The following PSMD12 variants were observed in gnomAD, a reference collection of about 807,000 sequenced individuals.
PSMD12 encodes 26S proteasome non-ATPase regulatory subunit 12.
A neutral mutation model predicts 62.9 loss-of-function variants in PSMD12; 8 were observed. The ratio of observed to expected loss-of-function variants is 0.13; its 90% confidence interval spans 0.07 to 0.23. PSMD12 has a LOEUF of 0.23. Ranked by LOEUF, PSMD12 falls within the 10% of genes least tolerant of loss-of-function variation. The pLI is 1.00. For missense variants in PSMD12, 424 were observed against 550.2 expected, an observed-to-expected ratio of 0.77 and a Z score of 2.29; for synonymous variants, 173 against 187.4, an observed-to-expected ratio of 0.92 and a Z score of 0.63.
Position 67,347,259 on chromosome 17 carries a change from A to C in PSMD12, c.661-9T>G. 1 of 1,613,000 alleles carries C rather than the reference A, an allele frequency of 6.2e-7. No individual in the cohort carries two copies. Among genetic ancestry groups the C allele is most frequent in the Non-Finnish European group, 8.5e-7 (1 of 1,179,522 alleles). On this transcript the variant is annotated splice_polypyrimidine_tract_variant and intron_variant, in intron 6 of 10. Transcript: ENST00000356126. ...TACTTCAACTTTAATTTCTGCAAAA[A>C]AGTTGACAAAACAAATTGGGGTTTA...
chr17:67,342,967 C>CATT (rs1309512725), intron 9 of PSMD12, among the ~76,000 whole-genome samples: 1 of 151,306 alleles, frequency 6.6e-6, no homozygotes, highest in Non-Finnish European at 1.5e-5. Flanking sequence ...GATTAGACAT[C>CATT]ATTTCAAATA....
intron 1 of PSMD12, among the ~76,000 whole-genome samples, 188 bp from the exon 2 acceptor site, chr17:67,357,766 G>C (rs572460631): frequency 6.6e-6 from 1 of 152,300 alleles, no homozygotes; most frequent in Admixed American, 6.5e-5. Flanking sequence ...GGTTCCATCA[G>C]TCAGTGGTTC....
rs1335369985 is a variant in PSMD12 at position 67,339,237 on chromosome 17, AACTGGG to A, written c.*1600_*1605del. ...ATTCTCCCACCTCAGCCTCCCAAGT[AACTGGG>A]ACTACAGGCACACGCCACCACGCCC... On this transcript the variant is annotated 3_prime_UTR_variant, in exon 11 of 11. Coordinates refer to ENST00000356126, the MANE Select transcript of PSMD12 (RefSeq NM_002816.5). 6.6e-6 allele frequency: 1 copy of A among 151,898 alleles called. No individual in the cohort carries two copies. Among genetic ancestry groups the A allele is most frequent in the African/African-American group, 2.4e-5 (1 of 41,312 alleles). 9.4% of individuals were successfully genotyped at this position (151,898 alleles called of 1,614,324 possible).
Position 67,348,447 on chromosome 17 carries a change from T to C in PSMD12, c.510+103A>G, listed in dbSNP as rs2041988208. 4 of 909,170 alleles carry C rather than the reference T, an allele frequency of 4.4e-6. No individual in the cohort carries two copies. In the South Asian group the frequency reaches 4.5e-5, roughly 10 times the overall value. The allele number at this position is 909,170 out of a possible 1,614,324, so 56.3% of individuals were successfully genotyped here. A position where few individuals can be genotyped will look rare whatever the true frequency, so the allele number is the denominator to read the frequency against. ...TTTCAATCAAAATCCAAAATAATTATTGGTCCCAAACATTTTGGATAAGGG... is the reference window on the plus strand; with the variant it reads ...TTTCAATCAAAATCCAAAATAATTACTGGTCCCAAACATTTTGGATAAGGG... On this transcript the variant is annotated intron_variant, in intron 5 of 10. Coordinates refer to ENST00000356126, the MANE Select transcript of PSMD12 (RefSeq NM_002816.5).
chr17:67,363,428 A>G (rs1376752065), intron 1 of PSMD12, among the ~76,000 whole-genome samples: 1 of 152,224 alleles, frequency 6.6e-6, no homozygotes, highest in African/African-American at 2.4e-5. Context: ...CACAATTTTC[A>G]TCTTCAAATG....
At chr17:67,341,271 C>A (rs866107923) in intron 10 of PSMD12, among the ~76,000 whole-genome samples, 3 of 151,752 alleles carry the variant, frequency 2.0e-5, no homozygotes, top group African/African-American at 7.3e-5. Context: ...GAGTTCAAGA[C>A]CAGCCTGAGC....
At chr17:67,363,942 G>A (rs1311668114) in intron 1 of PSMD12, among the ~76,000 whole-genome samples, 3 of 151,972 alleles carry the variant, frequency 2.0e-5, no homozygotes, top group East Asian at 1.9e-4. Context: ...CCAGATACTC[G>A]GGAGGCTGAG....
intron 9 of PSMD12, 139 bp downstream of exon 9, chr17:67,344,466 CA>C (rs1276651374): frequency 2.1e-5 from 17 of 801,058 alleles, no homozygotes; most frequent in Non-Finnish European, 2.9e-5. Context: ...GAATTAAACA[CA>C]TAACATCCTA....
chr17:67,364,523 T>C (rs1272164109), intron 1 of PSMD12, among the ~76,000 whole-genome samples: 1 of 152,222 alleles, frequency 6.6e-6, no homozygotes, highest in East Asian at 1.9e-4. Context: ...ACTGACTAGG[T>C]CTTGCAAACA....
intron 5 of PSMD12, among the ~76,000 whole-genome samples, chr17:67,347,712 A>G (rs1313434124): frequency 6.6e-6 from 1 of 152,200 alleles, no homozygotes; most frequent in Non-Finnish European, 1.5e-5. Context: ...TAACTCATGT[A>G]GTGATTTGCA....
At chr17:67,345,691 T>C (rs1221783597) in intron 8 of PSMD12, 54 bp downstream of exon 8, 1 of 1,482,540 alleles carries the variant, frequency 6.7e-7, no homozygotes, top group Non-Finnish European at 9.4e-7. Context: ...GCCAATTTTC[T>C]TTCAAAATGG....
intron 3 of PSMD12, among the ~76,000 whole-genome samples, chr17:67,355,966 TTCTACACACACACACACAC>T: frequency 7.6e-6 from 1 of 132,376 alleles, no homozygotes; most frequent in East Asian, 2.1e-4. Context: ...AAGCCCCCAT[TTCTACACACACACACACAC>T]ACACACACAC....
intron 3 of PSMD12, among the ~76,000 whole-genome samples, chr17:67,356,475 G>A (rs530484804): frequency 1.4e-5 from 2 of 138,822 alleles, no homozygotes; most frequent in African/African-American, 5.3e-5. Context: ...GGAGAATGGC[G>A]TGAACCCGGG....
intron 1 of PSMD12, chr17:67,362,653 G>A (rs1324015751): frequency 7.4e-6 from 1 of 134,358 alleles, no homozygotes; most frequent in Non-Finnish European, 1.5e-5. Context: ...CAGAGCAAGA[G>A]TCCATCTCAA....
intron 4 of PSMD12, 75 bp downstream of exon 4, chr17:67,350,154 C>A: frequency 3.5e-6 from 3 of 853,564 alleles, no homozygotes; most frequent in South Asian, 2.1e-5. Flanking sequence ...TACAAAATAT[C>A]TACATACATT....
chr17:67,366,459 T>C lies in PSMD12; in HGVS notation c.61A>G (p.Ser21Gly), dbSNP rs1435536086. ...GRIVKMEVDY[S>G]ATVDQRLPEC... Reference sequence around the variant, plus strand: ...GGTAGGCGCTGATCCACCGTGGCGCTGTAGTCCACCTCCATCTTGACGATG... The same window carrying C: ...GGTAGGCGCTGATCCACCGTGGCGCCGTAGTCCACCTCCATCTTGACGATG... Residue 21 changes from serine (S) to glycine (G), a missense_variant, in exon 1 of 11, where the codon AGC (serine) becomes GGC (glycine). Coordinates refer to ENST00000356126, the MANE Select transcript of PSMD12 (RefSeq NM_002816.5). 1.2e-6 allele frequency: 2 copies of C among 1,612,302 alleles called. No individual in the cohort carries two copies. Among genetic ancestry groups the C allele is most frequent in the Non-Finnish European group, 1.7e-6 (2 of 1,179,486 alleles).
chr17:67,340,969 G>C lies in PSMD12; in HGVS notation c.1245C>G (p.Phe415Leu). 1 of 1,580,866 alleles carries C rather than the reference G, an allele frequency of 6.3e-7. No homozygotes were observed. Among genetic ancestry groups the C allele is most frequent in the Non-Finnish European group, 8.6e-7 (1 of 1,169,536 alleles). The change falls in exon 11 of 11, where the codon TTC becomes TTG. Residue 415 changes from phenylalanine to leucine, a missense_variant. Transcript: ENST00000356126. ...AATTATTTGGATCCTTGGGTCTCTGGAAGTTGATAATTCCTGCTAATCTGT... is the reference window on the plus strand; with the variant it reads ...AATTATTTGGATCCTTGGGTCTCTGCAAGTTGATAATTCCTGCTAATCTGT... ...KVDRLAGIINFQRPKDPNNLL... is the reference protein window; with the variant it reads ...KVDRLAGIINLQRPKDPNNLL...
In PSMD12 at chr17:67,361,580, T is replaced by TA. The variant is rs575628256; in HGVS notation, c.109-4003dup. Among the ~76,000 whole-genome samples, 7 of 150,684 alleles carry TA rather than the reference T, an allele frequency of 4.6e-5. No homozygotes were observed. The East Asian group carries it at 1.2e-3, about 25-fold the overall frequency. On this transcript the variant is annotated intron_variant, in intron 1 of 10. Transcript: ENST00000356126. ...CTGGGTGAAAGAGCGAAACTCGGTC[T>TA]AAAAAAAAAGTCACCACAAATAGTT...
chr17:67,352,968 A>G (rs1457019295), intron 3 of PSMD12, among the ~76,000 whole-genome samples: 1 of 152,228 alleles, frequency 6.6e-6, no homozygotes, highest in Non-Finnish European at 1.5e-5. Context: ...CCTCCTTTAA[A>G]TGAAAAGGTG....
Sources: allele counts gnomAD v4.1 joint callset (sites outside exome capture counted in the v4.1 genomes callset), GRCh38; gene constraint gnomAD v4.1.1; transcripts MANE v1.5; gene names NCBI Gene and HGNC (gene_info 2026-07-23, HGNC 2026-07-21).